CACNG6: variants seen among roughly 807,000 people sequenced by gnomAD.
The protein encoded by CACNG6 is voltage-dependent calcium channel gamma-6 subunit.
A neutral mutation model predicts 23.9 loss-of-function variants in CACNG6; 21 were observed. That is an observed-to-expected ratio of 0.88 (90% CI 0.62 to 1.26). The LOEUF is 1.26. Among genes scored for constraint, CACNG6 ranks in the 50% most tolerant of loss-of-function variants. The pLI is 0.00. For synonymous variants in CACNG6, 182 were observed against 168.9 expected, an observed-to-expected ratio of 1.08 and a Z score of -0.60; for missense variants, 340 against 352.9, an observed-to-expected ratio of 0.96 and a Z score of 0.29.
intron 2 of CACNG6, 33 bp from the exon 3 acceptor site, chr19:53,999,601 G>T (rs2069554645): frequency 1.2e-6 from 2 of 1,608,494 alleles, no homozygotes; most frequent in East Asian, 4.5e-5. Flanking sequence ...TACATCCCAT[G>T]TTCTCTGCTT....
chr19:54,003,395 C>A lies in CACNG6; in HGVS notation c.544+3624C>A, dbSNP rs370931595. On this transcript the variant is annotated intron_variant, in intron 3 of 3. Coordinates refer to ENST00000252729, the MANE Select transcript of CACNG6 (RefSeq NM_145814.2). ...TTTTTATTTTTGAGACAGTTTTGCT[C>A]TGTCACCCAGGCTGGAGTGCAGCGG... 2.6e-5 allele frequency among the ~76,000 whole-genome samples: 4 copies of A among 152,250 alleles called. No individual in the cohort carries two copies. In the South Asian group the frequency reaches 8.3e-4, roughly 32 times the overall value.
At chr19:54,008,675 G>A (rs550148932) in intron 3 of CACNG6, among the ~76,000 whole-genome samples, 42 of 152,308 alleles carry the variant, frequency 2.8e-4, no homozygotes, top group Admixed American at 6.5e-4. Flanking sequence ...CCTTCTGCTC[G>A]GAACAGCCGT....
At chr19:54,009,776 CT>C (rs1229411375) in intron 3 of CACNG6, among the ~76,000 whole-genome samples, 9 of 90,462 alleles carry the variant, frequency 9.9e-5, no homozygotes, top group African/African-American at 2.9e-4. Context: ...TTCTTTTTTG[CT>C]TTTTTTAAAA....
At chr19:54,003,780 T>C (rs1600059988) in intron 3 of CACNG6, among the ~76,000 whole-genome samples, 2 of 152,324 alleles carry the variant, frequency 1.3e-5, no homozygotes, top group African/African-American at 4.8e-5. Context: ...TATGGCCTCC[T>C]AACTCTTCTC....
In CACNG6 at chr19:54,009,530, C is replaced by T. The variant is rs530859915; in HGVS notation, c.545-2421C>T. Among the ~76,000 whole-genome samples the T allele has an allele frequency of 2.9e-4, 44 of 151,662 alleles. 1 individual carries two copies. The highest frequency in any genetic ancestry group is 5.7e-4 in the Non-Finnish European group (39 of 67,982). ...TACTCAGGAGGCTGAGCATGAGAAT[C>T]GCTTGAACCTGGGAGGCGGAAGCTG... On this transcript the variant is annotated intron_variant, in intron 3 of 3. Transcript: ENST00000252729.
At chr19:53,997,942 G>T (rs567089501) in intron 1 of CACNG6, among the ~76,000 whole-genome samples, 2 of 152,230 alleles carry the variant, frequency 1.3e-5, no homozygotes, top group East Asian at 3.9e-4. Flanking sequence ...ATACGAAGGG[G>T]CCAGGAAAGA....
chr19:53,995,088 A>G (rs1275143248), intron 1 of CACNG6, among the ~76,000 whole-genome samples: 2 of 149,358 alleles, frequency 1.3e-5, no homozygotes, highest in Admixed American at 1.3e-4. Context: ...GGCTCGGTCT[A>G]TGCACCCAGG....
intron 1 of CACNG6, among the ~76,000 whole-genome samples, chr19:53,996,032 C>A (rs2069517763): frequency 6.6e-6 from 1 of 152,220 alleles, no homozygotes; most frequent in South Asian, 2.1e-4. Flanking sequence ...ACATCTCACC[C>A]CTTCACCTCC....
At position 53,991,761 on chromosome 19, in the gene CACNG6, G is replaced by C. The variant is rs145663449; in HGVS notation, c.-1117G>C. On this transcript the variant is annotated 5_prime_UTR_variant, in exon 1 of 4. Coordinates refer to ENST00000252729, the MANE Select transcript of CACNG6 (RefSeq NM_145814.2). ...CGGGAGTCGGGGGTGGGAGCCCCGA[G>C]GGGGGGCCCTGGCCTGGGGCTGAGC... Among the ~76,000 whole-genome samples the C allele has an allele frequency of 0.019, 2,914 of 152,118 alleles. 85 individuals are homozygous for C. Among genetic ancestry groups the C allele is most frequent in the African/African-American group, 0.067 (2,762 of 41,506 alleles).
In CACNG6 at chr19:53,999,704, C is replaced by T; in HGVS notation, c.477C>T (p.Ile159=). The part of the protein sequence containing the change: ...LAVMALGCLC[I]IMVLSKGAEF... ...TCATGGCCTTGGGGTGCCTCTGTAT[C>T]ATCATGGTGCTCAGTAAAGGTGCAG... Residue 159 remains isoleucine (I), a synonymous_variant, in exon 3 of 4, where the codon ATC becomes ATT. Coordinates refer to ENST00000252729, the MANE Select transcript of CACNG6 (RefSeq NM_145814.2). 1 of 1,614,028 alleles carries T rather than the reference C, an allele frequency of 6.2e-7. No homozygotes were observed. Among genetic ancestry groups the T allele is most frequent in the East Asian group, 2.2e-5 (1 of 44,878 alleles).
At position 53,991,720 on chromosome 19, in the gene CACNG6, G is replaced by T. The variant is rs2069461767; in HGVS notation, c.-1158G>T. Among the ~76,000 whole-genome samples, 1 of 152,042 alleles carries T rather than the reference G, an allele frequency of 6.6e-6. No individual in the cohort carries two copies. Among genetic ancestry groups the T allele is most frequent in the Non-Finnish European group, 1.5e-5 (1 of 67,956 alleles). On this transcript the variant is annotated 5_prime_UTR_variant, in exon 1 of 4. Coordinates refer to ENST00000252729, the MANE Select transcript of CACNG6 (RefSeq NM_145814.2). ...CGGCGCGGGGCCGAGGCAGGAGAGC[G>T]AGAGGGGCCCCTGCTCGGGAGTCGG...
At chr19:54,002,287 T>TTG (rs1292657684) in intron 3 of CACNG6, among the ~76,000 whole-genome samples, 6 of 145,854 alleles carry the variant, frequency 4.1e-5, no homozygotes, top group South Asian at 4.3e-4. Context: ...TTTTTTTGTT[T>TTG]TTTTTTTTTT....
Position 54,005,077 on chromosome 19 carries a change from C to T in CACNG6, c.544+5306C>T, listed in dbSNP as rs287138. On this transcript the variant is annotated intron_variant, in intron 3 of 3. Transcript: ENST00000252729. ...TACAAAAATCAGCCGGGCGTGGTGG[C>T]GGGCGCCTGTAATCCCAGCTAAGCA... 1.4e-3 allele frequency among the ~76,000 whole-genome samples: 219 copies of T among 151,230 alleles called. 3 individuals carry two copies. The highest frequency in any genetic ancestry group is 5.0e-3 in the African/African-American group (208 of 41,314).
intron 3 of CACNG6, among the ~76,000 whole-genome samples, chr19:54,001,965 A>G (rs1600058322): frequency 6.6e-6 from 1 of 152,130 alleles, no homozygotes; most frequent in African/African-American, 2.4e-5. Flanking sequence ...TCATCCATGT[A>G]TCTGTTAGTA....
chr19:54,005,214 T>TAAATAAAC, intron 3 of CACNG6, among the ~76,000 whole-genome samples: 2 of 86,098 alleles, frequency 2.3e-5, no homozygotes. Flanking sequence ...ATCTCAAAAA[T>TAAATAAAC]AAATAAATAA....
chr19:54,011,190 TAAAAAAA>T lies in CACNG6; in HGVS notation c.545-751_545-745del, dbSNP rs142489178. ...CAACATGGTGAAACCCCGTCTCTAC[TAAAAAAA>T]AAAAAAAAATATATATATATATATA... On this transcript the variant is annotated intron_variant, in intron 3 of 3. Transcript: ENST00000252729. Among the ~76,000 whole-genome samples, 160 of 59,220 alleles carry T rather than the reference TAAAAAAA, an allele frequency of 2.7e-3. 3 individuals are homozygous for T. The highest frequency in any genetic ancestry group is 0.015 in the African/African-American group (152 of 10,468). 38.9% of individuals were successfully genotyped at this position (59,220 alleles called of 152,430 possible). A position where few individuals can be genotyped will look rare whatever the true frequency, so the allele number is the denominator to read the frequency against.
chr19:54,004,336 TGTGTGTGTGTGTGTGTGTGTGTGTGTGTG>T (rs2069613838), intron 3 of CACNG6, among the ~76,000 whole-genome samples: 1 of 29,690 alleles, frequency 3.4e-5, no homozygotes. Flanking sequence ...TTTGTATTTT[TGTGTGTGTGTGTGTGTGTGTGTGTGTGTG>T]TGTGTGTGTG....
In CACNG6 at chr19:54,012,221, C is replaced by G; in HGVS notation, c.*32C>G. On this transcript the variant is annotated 3_prime_UTR_variant, in exon 4 of 4. Coordinates refer to ENST00000252729, the MANE Select transcript of CACNG6 (RefSeq NM_145814.2). ...GCGTGAGACTTCTCTAAGCAACCACCGAGCCCTTTGACCTTCTCCATTGTA... is the reference window on the plus strand; with the variant it reads ...GCGTGAGACTTCTCTAAGCAACCACGGAGCCCTTTGACCTTCTCCATTGTA... 1 of 1,030,014 alleles carries G rather than the reference C, an allele frequency of 9.7e-7. No homozygotes were observed. The highest frequency in any genetic ancestry group is 2.8e-5 in the East Asian group (1 of 35,112). The allele number at this position is 1,030,014 out of a possible 1,614,324, so 63.8% of individuals were successfully genotyped here.
intron 3 of CACNG6, among the ~76,000 whole-genome samples, chr19:54,005,696 T>C (rs2069636059): frequency 6.9e-6 from 1 of 144,958 alleles, no homozygotes; most frequent in South Asian, 2.2e-4. Context: ...GAGATTGCAG[T>C]GAGCCAAGAT....
Sources: allele counts gnomAD v4.1 joint callset (sites outside exome capture counted in the v4.1 genomes callset), GRCh38; gene constraint gnomAD v4.1.1; transcripts MANE v1.5; gene names NCBI Gene and HGNC (gene_info 2026-07-23, HGNC 2026-07-21).